The following ACOT11 variants were observed in gnomAD, a reference collection of about 807,000 sequenced individuals.
The protein encoded by ACOT11 is acyl-coenzyme A thioesterase 11.
A neutral mutation model predicts 77.5 loss-of-function variants in ACOT11; 69 were observed. That is an observed-to-expected ratio of 0.89 (90% CI 0.73 to 1.09). The LOEUF is 1.09. Among genes scored for constraint, ACOT11 ranks in the 50% least tolerant of loss-of-function variants. ACOT11 has a pLI of 0.00. For synonymous variants in ACOT11, 279 were observed against 313.0 expected (o/e 0.89, Z 1.15); for missense variants, 766 against 813.7 (o/e 0.94, Z 0.71).
intron 1 of ACOT11, among the ~76,000 whole-genome samples, chr1:54,558,787 G>A (rs1465901574): frequency 6.6e-6 from 1 of 152,206 alleles, no homozygotes; most frequent in Non-Finnish European, 1.5e-5. Flanking sequence ...CAGGCTGGGG[G>A]TCCAGGCCTT....
chr1:54,614,743 TTAAGA>T, downstream of ACOT11: 2 of 1,614,050 alleles, frequency 1.2e-6, no homozygotes, highest in Non-Finnish European at 1.7e-6. Flanking sequence ...TTGGGGCCCT[TTAAGA>T]TGTCAGCGTT....
intron 15 of ACOT11, among the ~76,000 whole-genome samples, chr1:54,618,397 G>A (rs955100013): frequency 9.9e-5 from 15 of 152,200 alleles, no homozygotes; most frequent in African/African-American, 2.9e-4. Flanking sequence ...CCAGCTACTC[G>A]GGAGGCTAAG....
intron 8 of ACOT11, 125 bp downstream of exon 8, chr1:54,599,540 C>T: frequency 2.8e-6 from 3 of 1,086,400 alleles, no homozygotes; most frequent in Admixed American, 3.1e-5. Context: ...TAAATCCCTG[C>T]CTGGCTGATG....
In ACOT11 at chr1:54,605,160, C is replaced by G. The variant is rs1557665162; in HGVS notation, c.1321C>G (p.Leu441Val). 6.2e-7 allele frequency: 1 copy of G among 1,613,940 alleles called. No individual in the cohort carries two copies. Among genetic ancestry groups the G allele is most frequent in the South Asian group, 1.1e-5 (1 of 91,072 alleles). ...GCATGTGGATGCAGCCCAGGCCTTC[C>G]TGCTGCTCTCGGACCTGCGTCAGAG... is the stretch of plus-strand genomic sequence containing the variant. ...VVHVDAAQAF[L>V]LLSDLRQRPE... The change falls in exon 13 of 16, where the codon CTG becomes GTG. Residue 441 changes from leucine to valine, a missense_variant. Transcript: ENST00000343744.
downstream of ACOT11, chr1:54,614,909 T>C (rs751126117): frequency 5.7e-6 from 9 of 1,585,086 alleles, no homozygotes; most frequent in African/African-American, 9.4e-5. Context: ...GAACTAGGAA[T>C]ACATGACTCC....
At chr1:54,629,058 C>CAAAA (rs768933265) in intron 15 of ACOT11, among the ~76,000 whole-genome samples, 1 of 35,998 alleles carries the variant, frequency 2.8e-5, no homozygotes, top group Non-Finnish European at 6.6e-5. Context: ...GACTCCGTCT[C>CAAAA]AAAAAAAAAA....
At position 54,551,481 on chromosome 1, in the gene ACOT11, C is replaced by T. The variant is rs1389691378; in HGVS notation, c.33+3139C>T. On this transcript the variant is annotated intron_variant, in intron 1 of 15. Transcript: ENST00000343744. ...TCCCGCTTCAATCCTTGCCTCTCCCCGTGGAGAGCTCTTCTTTCCCTTTCC... is the reference window on the plus strand; with the variant it reads ...TCCCGCTTCAATCCTTGCCTCTCCCTGTGGAGAGCTCTTCTTTCCCTTTCC... Among the ~76,000 whole-genome samples the T allele has an allele frequency of 3.9e-5, 6 of 152,164 alleles. No individual in the cohort carries two copies. The East Asian group carries it at 5.8e-4, about 15-fold the overall frequency.
chr1:54,566,553 C>T (rs1287510461), intron 1 of ACOT11, among the ~76,000 whole-genome samples: 1 of 152,032 alleles, frequency 6.6e-6, no homozygotes, highest in African/African-American at 2.4e-5. Flanking sequence ...ACAAACTACC[C>T]CGAACCTTAG....
chr1:54,610,489 C>A, downstream of ACOT11: 1 of 1,502,324 alleles, frequency 6.7e-7, no homozygotes, highest in Non-Finnish European at 9.2e-7. Flanking sequence ...ACCGTCATCC[C>A]CAGGCAGCTG....
At chr1:54,599,653 C>A in intron 8 of ACOT11, 1 of 287,114 alleles carries the variant, frequency 3.5e-6, no homozygotes, top group Non-Finnish European at 6.3e-6. Context: ...CTCTGGGATC[C>A]CCCAGCCCCT....
Position 54,619,852 on chromosome 1 carries a change from A to G in ACOT11, c.1630-10882A>G, listed in dbSNP as rs377683365. 4.0e-5 allele frequency: 64 copies of G among 1,613,356 alleles called. No homozygotes were observed. In the East Asian group the frequency reaches 4.0e-4, roughly 10 times the overall value. Reference sequence around the variant, plus strand: ...TGCCCTGGCCTGCCTCAGTCTTGGCAGCTGGACTTACTGTTCAGGGCAGCT... The same window carrying G: ...TGCCCTGGCCTGCCTCAGTCTTGGCGGCTGGACTTACTGTTCAGGGCAGCT... On this transcript the variant is annotated intron_variant, in intron 15 of 16. Transcript: ENST00000371316.
intron 3 of ACOT11, 87 bp from the exon 4 acceptor site, chr1:54,592,459 C>G (rs576865007): frequency 1.5e-6 from 2 of 1,319,566 alleles, no homozygotes; most frequent in Non-Finnish European, 2.1e-6. Flanking sequence ...GCCAGCTCCC[C>G]GCAAGAGAGG....
In ACOT11 at chr1:54,604,327, C is replaced by T. The variant is rs763663357; in HGVS notation, c.1153-19C>T. On this transcript the variant is annotated intron_variant, in intron 11 of 15. Coordinates refer to ENST00000343744, the MANE Select transcript of ACOT11 (RefSeq NM_147161.4). Reference sequence around the variant, plus strand: ...AAGGAAGGGGGTGGGGTAGTGGTAGCACCTGTGTACTCTTTCAGGTGTACC... The same window carrying T: ...AAGGAAGGGGGTGGGGTAGTGGTAGTACCTGTGTACTCTTTCAGGTGTACC... 15 of 1,611,144 alleles carry T rather than the reference C, an allele frequency of 9.3e-6. 1 individual carries two copies. The South Asian group carries it at 1.4e-4, about 15-fold the overall frequency.
chr1:54,601,312 G>T lies in ACOT11; in HGVS notation c.928G>T (p.Glu310Ter), dbSNP rs1227278864. 2 of 1,613,384 alleles carry T rather than the reference G, an allele frequency of 1.2e-6. No homozygotes were observed. Among genetic ancestry groups the T allele is most frequent in the East Asian group, 4.5e-5 (2 of 44,880 alleles). The change falls in exon 9 of 16, where the codon GAG becomes TAG. Residue 310 changes from glutamate (E) to a stop codon, truncating the protein, a stop_gained. Coordinates refer to ENST00000343744, the MANE Select transcript of ACOT11 (RefSeq NM_147161.4). LOFTEE classifies it high-confidence loss of function. ...VCVEAYRQEA[E>*]THRRHINSAF... Reference sequence around the variant, plus strand: ...CGTGGAGGCCTATCGCCAGGAGGCTGAGACCCACCGGCGCCACATCAACAG... The same window carrying T: ...CGTGGAGGCCTATCGCCAGGAGGCTTAGACCCACCGGCGCCACATCAACAG...
intron 1 of ACOT11, among the ~76,000 whole-genome samples, chr1:54,562,425 C>CGG (rs1320988669): frequency 1.3e-5 from 1 of 79,442 alleles, no homozygotes; most frequent in African/African-American, 8.4e-5. Context: ...CCGGACGGGG[C>CGG]GGCTGGCCGG....
Position 54,601,465 on chromosome 1 carries a change from CT to C in ACOT11, c.1029+53del. 4 of 1,588,860 alleles carry C rather than the reference CT, an allele frequency of 2.5e-6. No individual in the cohort carries two copies. The Admixed American group carries it at 6.7e-5, about 27-fold the overall frequency. On this transcript the variant is annotated intron_variant, in intron 9 of 15. Coordinates refer to ENST00000343744, the MANE Select transcript of ACOT11 (RefSeq NM_147161.4). ...CCAGCAGCTCCCCTCCCCTCCCTCT[CT>C]GCCCTGGCATGGTGGAGACTGCCAG...
At chr1:54,553,709 C>T (rs886994503) in intron 1 of ACOT11, among the ~76,000 whole-genome samples, 4 of 151,966 alleles carry the variant, frequency 2.6e-5, no homozygotes, top group African/African-American at 9.7e-5. Flanking sequence ...GAAATTTATT[C>T]CTCCTAAGTG....
Position 54,599,306 on chromosome 1 carries a change from C to T in ACOT11, c.775C>T (p.Arg259Cys), listed in dbSNP as rs1385272251. ...CCCCTGCCTCCTCAGCCGGCTCTGC[C>T]GTGCCCACCCTACGCTGAAGGCCAT... Reference protein sequence around the residue: ...VATIAASRLCRAHPTLKAIEM... With the variant: ...VATIAASRLCCAHPTLKAIEM... The change falls in exon 8 of 16, where the codon CGT becomes TGT. Residue 259 changes from arginine (R) to cysteine (C), a missense_variant. Coordinates refer to ENST00000343744, the MANE Select transcript of ACOT11 (RefSeq NM_147161.4). 16 of 1,589,486 alleles carry T rather than the reference C, an allele frequency of 1.0e-5. No homozygotes were observed. The highest frequency in any genetic ancestry group is 4.1e-5 in the African/African-American group (3 of 73,668).
At chr1:54,611,672 T>C (rs946785695), downstream of ACOT11, 3 of 1,613,884 alleles carry the variant, frequency 1.9e-6, no homozygotes, top group African/African-American at 2.7e-5. Flanking sequence ...TGGACAGCAG[T>C]GTTATCCCGG....
Sources: gnomAD v4.1 joint callset for allele counts (sites outside exome capture counted in the v4.1 genomes callset) on GRCh38, gnomAD v4.1.1 for gene constraint, MANE v1.5 for transcripts, NCBI Gene and HGNC (gene_info 2026-07-23, HGNC 2026-07-21) for gene names.